Variants in FRMD4A observed in about 807,000 individuals in gnomAD.
The protein encoded by FRMD4A is FERM domain-containing protein 4A.
In FRMD4A, 29 loss-of-function variants were observed where a neutral mutation model predicts 129.1. The observed-to-expected ratio is 0.22, with a 90% CI of 0.17 to 0.31. FRMD4A has a LOEUF of 0.31. Among genes scored for constraint, FRMD4A ranks in the 10% least tolerant of loss-of-function variants. The pLI, the probability that FRMD4A is intolerant of heterozygous loss-of-function variation, is 1.00. For synonymous variants in FRMD4A, 634 were observed against 571.6 expected (o/e 1.11, Z -1.56); for missense variants, 1,272 against 1,375.8 (o/e 0.92, Z 1.19).
intron 2 of FRMD4A, chr10:13,891,593 C>T: frequency 1.0e-6 from 1 of 985,214 alleles, no homozygotes; most frequent in Non-Finnish European, 1.2e-6. Flanking sequence ...CGCCTCCCTG[C>T]CACCGCGACC....
At chr10:13,881,197 C>T (rs574654502) in intron 2 of FRMD4A, among the ~76,000 whole-genome samples, 9 of 148,282 alleles carry the variant, frequency 6.1e-5, no homozygotes, top group African/African-American at 2.0e-4. Flanking sequence ...GTGGGAGGAT[C>T]GCTTGAGGTC....
At chr10:13,963,621 T>C (rs747389213) in intron 2 of FRMD4A, among the ~76,000 whole-genome samples, 1 of 152,224 alleles carries the variant, frequency 6.6e-6, no homozygotes, top group African/African-American at 2.4e-5. Context: ...ACTAATCATG[T>C]GGACAGCTGA....
intron 15 of FRMD4A, chr10:13,692,986 C>T (rs1362923536): frequency 6.6e-6 from 1 of 152,302 alleles, no homozygotes; most frequent in African/African-American, 2.4e-5. Context: ...ACTCAGCCTC[C>T]CAAGTAGCTG....
intron 15 of FRMD4A, among the ~76,000 whole-genome samples, chr10:13,690,656 C>T (rs540695343): frequency 2.0e-5 from 3 of 152,284 alleles, no homozygotes; most frequent in South Asian, 4.1e-4. Context: ...CTCACCTTCT[C>T]ACCAGGGTTT....
chr10:14,269,017 C>T (rs1845073488), intron 2 of FRMD4A, among the ~76,000 whole-genome samples: 1 of 152,156 alleles, frequency 6.6e-6, no homozygotes, highest in Admixed American at 6.5e-5. Flanking sequence ...TAATTAGGGG[C>T]AGAAATGGGA....
intron 2 of FRMD4A, among the ~76,000 whole-genome samples, chr10:13,999,034 C>T (rs1049789283): frequency 4.6e-5 from 7 of 152,032 alleles, no homozygotes; most frequent in Admixed American, 2.6e-4. Flanking sequence ...CTTCACTCTG[C>T]TCCAGCTACC....
At chr10:14,286,755 G>A (rs1845692642) in intron 2 of FRMD4A, among the ~76,000 whole-genome samples, 2 of 152,112 alleles carry the variant, frequency 1.3e-5, no homozygotes, top group South Asian at 4.1e-4. Flanking sequence ...TCTGTGTAAA[G>A]CAAGCCTAAA....
intron 2 of FRMD4A, among the ~76,000 whole-genome samples, chr10:14,111,542 A>G (rs183421375): frequency 6.6e-6 from 1 of 152,212 alleles, no homozygotes; most frequent in Non-Finnish European, 1.5e-5. Context: ...ATGGTTAGGG[A>G]AAGATCAAAG....
intron 2 of FRMD4A, among the ~76,000 whole-genome samples, chr10:14,130,221 A>G (rs1278165407): frequency 6.6e-6 from 1 of 152,204 alleles, no homozygotes; most frequent in Non-Finnish European, 1.5e-5. Context: ...CACTGGCCAC[A>G]GTAAATATTC....
chr10:14,171,562 CA>C (rs1255263945), intron 2 of FRMD4A, among the ~76,000 whole-genome samples: 2 of 152,184 alleles, frequency 1.3e-5, no homozygotes, highest in African/African-American at 4.8e-5. Context: ...GCCTTAATTT[CA>C]ATGCTCATGA....
At chr10:14,073,386 T>C (rs529838876) in intron 2 of FRMD4A, among the ~76,000 whole-genome samples, 212 of 152,234 alleles carry the variant, frequency 1.4e-3, no homozygotes, top group Middle Eastern at 3.4e-3. Context: ...ATTAGATCCA[T>C]TGAGTTGCTG....
chr10:13,779,625 A>C (rs1001810089), intron 6 of FRMD4A, among the ~76,000 whole-genome samples: 10 of 152,224 alleles, frequency 6.6e-5, no homozygotes, highest in African/African-American at 1.9e-4. Flanking sequence ...GTGGCCCTAC[A>C]TTAGTCAGCT....
chr10:14,066,008 T>TTGTGTGTG (rs61167438), intron 2 of FRMD4A, among the ~76,000 whole-genome samples: 74,962 of 138,888 alleles, frequency 0.54, 21,081 homozygotes, highest in Middle Eastern at 0.71. Flanking sequence ...GGGTATGTAT[T>TTGTGTGTG]TGTGTGTGTG....
At chr10:14,274,748 G>A (rs1845281329) in intron 2 of FRMD4A, among the ~76,000 whole-genome samples, 1 of 152,180 alleles carries the variant, frequency 6.6e-6, no homozygotes, top group Non-Finnish European at 1.5e-5. Flanking sequence ...TCAGCCAGGT[G>A]TATTTTTCAA....
At chr10:13,963,534 A>C (rs1352325831) in intron 2 of FRMD4A, among the ~76,000 whole-genome samples, 1 of 152,192 alleles carries the variant, frequency 6.6e-6, no homozygotes, top group Admixed American at 6.5e-5. Flanking sequence ...TGAAGATAAA[A>C]ACGAATCATT....
chr10:13,919,712 C>T (rs930488188), intron 2 of FRMD4A, among the ~76,000 whole-genome samples: 3 of 151,808 alleles, frequency 2.0e-5, no homozygotes, highest in Admixed American at 1.3e-4. Context: ...CCGAGGTGGG[C>T]GGATCACTTG....
At chr10:14,251,128 T>C (rs1844425070) in intron 2 of FRMD4A, among the ~76,000 whole-genome samples, 1 of 152,152 alleles carries the variant, frequency 6.6e-6, no homozygotes, top group Non-Finnish European at 1.5e-5. Flanking sequence ...TGGTAGTTAC[T>C]CCCAGTTTAA....
chr10:13,751,357 T>C (rs2091615558), intron 8 of FRMD4A, among the ~76,000 whole-genome samples: 1 of 152,122 alleles, frequency 6.6e-6, no homozygotes. Flanking sequence ...CCTGTCCAAA[T>C]CCATTATATT....
At chr10:14,314,727 C>T (rs147801808) in intron 2 of FRMD4A, among the ~76,000 whole-genome samples, 3 of 152,126 alleles carry the variant, frequency 2.0e-5, no homozygotes, top group East Asian at 1.9e-4. Flanking sequence ...CAATATTCAC[C>T]GTTTTCCCAT....
Sources: allele counts gnomAD v4.1 joint callset (sites outside exome capture counted in the v4.1 genomes callset), GRCh38; gene constraint gnomAD v4.1.1; transcripts MANE v1.5; gene names NCBI Gene and HGNC (gene_info 2026-07-23, HGNC 2026-07-21).